The following RGS7 variants were observed in gnomAD, a reference collection of about 807,000 sequenced individuals.
RGS7 encodes the protein regulator of G-protein signaling 7.
A neutral mutation model predicts 81.1 loss-of-function variants in RGS7; 27 were observed. The ratio of observed to expected loss-of-function variants is 0.33; its 90% confidence interval spans 0.25 to 0.46. The LOEUF (loss-of-function observed/expected upper bound fraction) is 0.46, where lower values mean the gene tolerates loss of function less well. RGS7 is among the 20% of genes least tolerant of loss of function. The pLI, the probability that RGS7 is intolerant of heterozygous loss-of-function variation, is 1.00. For missense variants in RGS7, 396 were observed against 607.4 expected (o/e 0.65, Z 3.66); for synonymous variants, 208 against 207.7 (o/e 1.00, Z -0.01).
At chr1:240,981,344 T>C (rs1277643716) in intron 4 of RGS7, among the ~76,000 whole-genome samples, 1 of 152,120 alleles carries the variant, frequency 6.6e-6, no homozygotes, top group African/African-American at 2.4e-5. Flanking sequence ...ACTCCTGAGC[T>C]CGTGATCCAC....
chr1:240,875,030 G>A lies in RGS7; in HGVS notation c.386-4911C>T, dbSNP rs561356322. On this transcript the variant is annotated intron_variant, in intron 6 of 18. Transcript: ENST00000440928. The stretch of plus-strand genomic sequence containing the variant: ...GCACTCCAGCCTGGGTGACAAGAGC[G>A]AAACTCCATCTCAAAACAAAAAACA... Among the ~76,000 whole-genome samples the A allele has an allele frequency of 2.2e-4, 34 of 151,978 alleles. 2 individuals carry two copies. In the South Asian group the frequency reaches 6.3e-3, roughly 28 times the overall value.
chr1:241,132,643 G>T (rs2067187490), intron 2 of RGS7, among the ~76,000 whole-genome samples: 1 of 151,716 alleles, frequency 6.6e-6, no homozygotes, highest in South Asian at 2.1e-4. Flanking sequence ...TTTTTTTGGT[G>T]GGGGAGGTAC....
At chr1:241,147,457 G>C (rs573047392) in intron 2 of RGS7, among the ~76,000 whole-genome samples, 13 of 152,218 alleles carry the variant, frequency 8.5e-5, no homozygotes, top group African/African-American at 3.1e-4. Context: ...AGTTTTGTAT[G>C]AATGTACTTG....
intron 3 of RGS7, among the ~76,000 whole-genome samples, chr1:241,055,384 C>G (rs2061428384): frequency 6.6e-6 from 1 of 152,218 alleles, no homozygotes; most frequent in Admixed American, 6.5e-5. Flanking sequence ...CTTGCTAGCA[C>G]AGCTCACAGA....
chr1:241,084,968 A>C (rs966370672), intron 3 of RGS7, among the ~76,000 whole-genome samples: 2 of 152,200 alleles, frequency 1.3e-5, no homozygotes, highest in Non-Finnish European at 2.9e-5. Flanking sequence ...CAGTGACCTG[A>C]TTTAATAGGG....
At chr1:241,247,459 G>A (rs967888303) in intron 2 of RGS7, among the ~76,000 whole-genome samples, 2 of 152,194 alleles carry the variant, frequency 1.3e-5, no homozygotes, top group Admixed American at 6.5e-5. Flanking sequence ...AGGTGGAGAC[G>A]AGAGACTGAG....
chr1:240,944,886 G>T lies in RGS7; in HGVS notation c.227-8180C>A, dbSNP rs189569480. On this transcript the variant is annotated intron_variant, in intron 4 of 18. Coordinates refer to ENST00000440928, the MANE Select transcript of RGS7 (RefSeq NM_001364886.1). ...GCGCCACCACGCCCGGCTAATTTTT[G>T]TATTTTAGTAGAGACAGGGTTTCAC... is the stretch of plus-strand genomic sequence containing the variant. Among the ~76,000 whole-genome samples the T allele has an allele frequency of 6.6e-3, 1,012 of 152,332 alleles. 3 individuals are homozygous for T. Among genetic ancestry groups the T allele is most frequent in the African/African-American group, 0.024 (981 of 41,582 alleles).
At chr1:240,877,252 T>C (rs1287731447) in intron 6 of RGS7, among the ~76,000 whole-genome samples, 1 of 150,324 alleles carries the variant, frequency 6.7e-6, no homozygotes, top group Non-Finnish European at 1.5e-5. Flanking sequence ...AAGTAAAAAA[T>C]ATACAGTAAA....
At position 240,814,700 on chromosome 1, in the gene RGS7, A is replaced by T; in HGVS notation, c.845+16T>A. 6.7e-7 allele frequency: 1 copy of T among 1,501,622 alleles called. No individual in the cohort carries two copies. The highest frequency in any genetic ancestry group is 9.3e-7 in the Non-Finnish European group (1 of 1,078,346). 93.0% of individuals were successfully genotyped at this position (1,501,622 alleles called of 1,614,324 possible). ...ATGAAATTTTAAAATTTATACAGAC[A>T]CTTTGAAATACTCACCTGTCAGCGA... On this transcript the variant is annotated intron_variant, in intron 12 of 18. Transcript: ENST00000440928.
intron 2 of RGS7, among the ~76,000 whole-genome samples, chr1:241,162,178 A>C (rs2069750370): frequency 1.3e-5 from 2 of 151,832 alleles, no homozygotes; most frequent in African/African-American, 2.4e-5. Flanking sequence ...TACCAAAGAA[A>C]GACCGTCTCC....
At chr1:241,024,002 T>A (rs966365479) in intron 3 of RGS7, among the ~76,000 whole-genome samples, 1 of 152,152 alleles carries the variant, frequency 6.6e-6, no homozygotes, top group Non-Finnish European at 1.5e-5. Flanking sequence ...CCTGCCTGCC[T>A]TGGCCTCCCA....
intron 3 of RGS7, among the ~76,000 whole-genome samples, chr1:241,008,948 A>G (rs892477318): frequency 1.3e-5 from 2 of 149,006 alleles, no homozygotes; most frequent in Non-Finnish European, 3.0e-5. Context: ...AAATGTGATT[A>G]TGACATTCAG....
At chr1:240,927,896 C>T (rs1005861847) in intron 6 of RGS7, among the ~76,000 whole-genome samples, 1 of 152,154 alleles carries the variant, frequency 6.6e-6, no homozygotes, top group Non-Finnish European at 1.5e-5. Context: ...CAGAAATGGA[C>T]ACCAGTGGAT....
At chr1:240,957,503 T>C (rs1680640348) in intron 4 of RGS7, among the ~76,000 whole-genome samples, 2 of 152,294 alleles carry the variant, frequency 1.3e-5, no homozygotes, top group Non-Finnish European at 2.9e-5. Context: ...CATATACATC[T>C]TTCTATTAGT....
chr1:241,167,831 A>G (rs2070390570), intron 2 of RGS7, among the ~76,000 whole-genome samples: 1 of 152,092 alleles, frequency 6.6e-6, no homozygotes, highest in Admixed American at 6.5e-5. Context: ...TCCTTCTTTT[A>G]TATTTCCCCT....
rs115484426 is a variant in RGS7 at position 241,242,183 on chromosome 1, T to G, written c.78+113516A>C. ...GTCCTTATAGCTTAGCTCCCACTTA[T>G]AAGTAAGAACACACAATGTTCGGCT... is the stretch of plus-strand genomic sequence containing the variant. On this transcript the variant is annotated intron_variant, in intron 2 of 18. Coordinates refer to ENST00000440928, the MANE Select transcript of RGS7 (RefSeq NM_001364886.1). Among the ~76,000 whole-genome samples the G allele has an allele frequency of 7.7e-3, 1,175 of 152,200 alleles. 9 individuals carry two copies. The highest frequency in any genetic ancestry group is 0.013 in the Non-Finnish European group (857 of 68,002).
chr1:240,971,581 T>C (rs1377559672), intron 4 of RGS7, among the ~76,000 whole-genome samples: 1 of 152,234 alleles, frequency 6.6e-6, no homozygotes, highest in African/African-American at 2.4e-5. Context: ...ATGAGGACTT[T>C]GTTTGTTCCT....
At chr1:240,832,268 TA>T (rs1247238580) in intron 9 of RGS7, among the ~76,000 whole-genome samples, 1 of 152,156 alleles carries the variant, frequency 6.6e-6, no homozygotes, top group African/African-American at 2.4e-5. Flanking sequence ...ATTAAGCACA[TA>T]GTATTGTTGG....
intron 2 of RGS7, among the ~76,000 whole-genome samples, chr1:241,273,484 T>C (rs2078036623): frequency 1.3e-5 from 2 of 152,052 alleles, no homozygotes; most frequent in African/African-American, 4.8e-5. Context: ...AATTGTTTTT[T>C]GTTCATTTGT....
Sources: allele counts gnomAD v4.1 joint callset (sites outside exome capture counted in the v4.1 genomes callset), GRCh38; gene constraint gnomAD v4.1.1; transcripts MANE v1.5; gene names NCBI Gene and HGNC (gene_info 2026-07-23, HGNC 2026-07-21).